Variants in GRB2 observed in about 807,000 individuals in gnomAD.
GRB2 encodes growth factor receptor bound protein 2.
Under a neutral mutation model 27.4 loss-of-function variants are expected in GRB2, and 2 were observed. The ratio of observed to expected loss-of-function variants is 0.07; its 90% CI spans 0.03 to 0.23. GRB2 has a LOEUF of 0.23. Ranked by LOEUF, GRB2 falls within the 10% of genes least tolerant of loss-of-function variation. The probability of loss-of-function intolerance (pLI) is 1.00; values close to 1 mark genes in which losing one functional copy is unlikely to be tolerated. For missense variants in GRB2, 102 were observed against 282.4 expected (o/e 0.36, Z 4.58); for synonymous variants, 94 against 99.6 (o/e 0.94, Z 0.33).
intron 1 of GRB2, among the ~76,000 whole-genome samples, chr17:75,399,985 G>T (rs2079054147): frequency 6.6e-6 from 1 of 151,464 alleles, no homozygotes; most frequent in African/African-American, 2.4e-5. Context: ...CGACAATTTT[G>T]AAATATTAAT....
chr17:75,386,646 A>C (rs2078965451), intron 2 of GRB2, among the ~76,000 whole-genome samples: 1 of 152,024 alleles, frequency 6.6e-6, no homozygotes, highest in Non-Finnish European at 1.5e-5. Context: ...CCAATAAATC[A>C]CTCATGGAAG....
At chr17:75,331,002 A>C (rs541568670) in intron 3 of GRB2, among the ~76,000 whole-genome samples, 597 of 151,574 alleles carry the variant, frequency 3.9e-3, no homozygotes, top group African/African-American at 0.014. Context: ...CCTGCTCCCC[A>C]CCCCCACAAA....
intron 2 of GRB2, among the ~76,000 whole-genome samples, chr17:75,350,711 C>T (rs1333604781): frequency 1.3e-5 from 2 of 152,108 alleles, no homozygotes; most frequent in Non-Finnish European, 2.9e-5. Context: ...CCAGGATGGT[C>T]TCGATCTCCT....
At chr17:75,366,612 A>G (rs149635717) in intron 2 of GRB2, among the ~76,000 whole-genome samples, 686 of 151,524 alleles carry the variant, frequency 4.5e-3, no homozygotes, top group African/African-American at 0.016. Flanking sequence ...CAGCCTGGGC[A>G]CCTGGGCAAC....
chr17:75,374,644 G>A lies in GRB2; in HGVS notation c.78+18907C>T, dbSNP rs116473337. On this transcript the variant is annotated intron_variant, in intron 2 of 5. Transcript: ENST00000316804. ...ACACACAAACACACACACTCTAGCC[G>A]AGTGTGGTGGCACATGCCTGTAGTC... Among the ~76,000 whole-genome samples the A allele has an allele frequency of 7.8e-3, 1,188 of 151,752 alleles. 21 individuals are homozygous for A. Among genetic ancestry groups the A allele is most frequent in the African/African-American group, 0.027 (1,129 of 41,376 alleles).
chr17:75,346,504 A>T (rs2078655873), intron 2 of GRB2, among the ~76,000 whole-genome samples: 1 of 151,810 alleles, frequency 6.6e-6, no homozygotes, highest in Non-Finnish European at 1.5e-5. Flanking sequence ...TCCAAAAAAC[A>T]AAGACAGGTA....
chr17:75,376,367 A>AT lies in GRB2; in HGVS notation c.78+17183dup, dbSNP rs1555612123. Among the ~76,000 whole-genome samples the AT allele has an allele frequency of 5.1e-3, 724 of 142,624 alleles. 14 individuals carry two copies. The highest frequency in any genetic ancestry group is 0.04 in the South Asian group (178 of 4,462). The allele number at this position is 142,624 out of a possible 152,430, so 93.6% of individuals were successfully genotyped here. A position where few individuals can be genotyped will look rare whatever the true frequency, so the allele number is the denominator to read the frequency against. On this transcript the variant is annotated intron_variant, in intron 2 of 5. Coordinates refer to ENST00000316804, the MANE Select transcript of GRB2 (RefSeq NM_002086.5). ...CTCAAAAAAAAAAAAAAAAAAAAAA[A>AT]TTTTTTAACCCGACCTGGTGGCATG...
At chr17:75,357,565 T>C (rs1009940763) in intron 2 of GRB2, among the ~76,000 whole-genome samples, 3 of 152,236 alleles carry the variant, frequency 2.0e-5, no homozygotes, top group African/African-American at 7.2e-5. Context: ...TTAAAATCCT[T>C]CAATGGCCCA....
Position 75,319,194 on chromosome 17 carries a change from CT to C in GRB2, c.*1173del, listed in dbSNP as rs11290288. ...GAGAACGCCTCACCTTCCACTCCTGCTTTGTCTCCTTTGCTCTACCCTGGCT... is the reference window on the plus strand; with the variant it reads ...GAGAACGCCTCACCTTCCACTCCTGCTTGTCTCCTTTGCTCTACCCTGGCT... On this transcript the variant is annotated 3_prime_UTR_variant, in exon 6 of 6. Transcript: ENST00000316804. The C allele has an allele frequency of 0.91, 138,131 of 152,416 alleles. 63,048 individuals are homozygous for C. Among genetic ancestry groups the C allele is most frequent in the Non-Finnish European group, 0.96 (65,287 of 68,038 alleles). The allele number at this position is 152,416 out of a possible 1,614,324, so 9.4% of individuals were successfully genotyped here. A position where few individuals can be genotyped will look rare whatever the true frequency, so the allele number is the denominator to read the frequency against.
intron 2 of GRB2, among the ~76,000 whole-genome samples, chr17:75,349,414 C>T (rs1567863472): frequency 6.6e-6 from 1 of 151,992 alleles, no homozygotes; most frequent in Non-Finnish European, 1.5e-5. Flanking sequence ...GCTGTAAAAC[C>T]TGAGAGCCCA....
chr17:75,369,415 G>A (rs1204324823), intron 2 of GRB2, among the ~76,000 whole-genome samples: 1 of 152,094 alleles, frequency 6.6e-6, no homozygotes, highest in Non-Finnish European at 1.5e-5. Flanking sequence ...GAAAATTTAA[G>A]AAGGCAAAAT....
chr17:75,377,283 C>T (rs190742336), intron 2 of GRB2, among the ~76,000 whole-genome samples: 5 of 151,788 alleles, frequency 3.3e-5, no homozygotes, highest in Admixed American at 1.3e-4. Context: ...GTGGGGCCAC[C>T]GTACTCCAGC....
chr17:75,382,377 T>C (rs977739255), intron 2 of GRB2, among the ~76,000 whole-genome samples: 1 of 152,346 alleles, frequency 6.6e-6, no homozygotes, highest in South Asian at 2.1e-4. Flanking sequence ...TAATAATTAA[T>C]ACAGGTTGTA....
chr17:75,401,302 G>A (rs995766450), intron 1 of GRB2, among the ~76,000 whole-genome samples: 8 of 151,214 alleles, frequency 5.3e-5, no homozygotes, highest in South Asian at 2.1e-4. Context: ...AAAATTAGCC[G>A]GGCGCGGTGG....
chr17:75,363,311 A>G (rs2078797265), intron 2 of GRB2, among the ~76,000 whole-genome samples: 1 of 152,138 alleles, frequency 6.6e-6, no homozygotes, highest in South Asian at 2.1e-4. Context: ...CTCTAAAATC[A>G]GTTACAGAGG....
At chr17:75,374,952 G>C (rs1268588333) in intron 2 of GRB2, among the ~76,000 whole-genome samples, 5 of 152,150 alleles carry the variant, frequency 3.3e-5, no homozygotes, top group African/African-American at 4.8e-5. Context: ...TTATAGTACA[G>C]TAGCGAGATC....
At chr17:75,339,280 G>A (rs556959995) in intron 2 of GRB2, 120 of 550,340 alleles carry the variant, frequency 2.2e-4, no homozygotes, top group Non-Finnish European at 3.5e-4. Context: ...TGCAAGCTCC[G>A]CCTCCTGGGT....
chr17:75,402,551 TAACA>T (rs1367909998), intron 1 of GRB2, among the ~76,000 whole-genome samples: 1 of 152,198 alleles, frequency 6.6e-6, no homozygotes, highest in African/African-American at 2.4e-5. Context: ...CTGCATTTGG[TAACA>T]ACAGTTTTGA....
Position 75,319,709 on chromosome 17 carries a change from G to GGATTACAGGCGTGAGC in GRB2, c.*643_*658dup, listed in dbSNP as rs1426507400. 2 of 152,266 alleles carry GGATTACAGGCGTGAGC rather than the reference G, an allele frequency of 1.3e-5. No homozygotes were observed. The highest frequency in any genetic ancestry group is 4.8e-5 in the African/African-American group (2 of 41,418). The allele number at this position is 152,266 out of a possible 1,614,324, so 9.4% of individuals were successfully genotyped here. ...CCCACCTTGGCCTCCCAAAGTGCTGGGATTACAGGCGTGAGCCACCGCGCC... is the reference window on the plus strand; with the variant it reads ...CCCACCTTGGCCTCCCAAAGTGCTGGGATTACAGGCGTGAGCGATTACAGGCGTGAGCCACCGCGCC... On this transcript the variant is annotated 3_prime_UTR_variant, in exon 6 of 6. Transcript: ENST00000316804.
Sources: allele counts gnomAD v4.1 joint callset (sites outside exome capture counted in the v4.1 genomes callset), GRCh38; gene constraint gnomAD v4.1.1; transcripts MANE v1.5; gene names NCBI Gene and HGNC (gene_info 2026-07-23, HGNC 2026-07-21).